LOXL2: variants seen among roughly 807,000 people sequenced by gnomAD.
The protein encoded by LOXL2 is lysyl oxidase homolog 2.
Under a neutral mutation model 93.0 loss-of-function variants are expected in LOXL2, and 70 were observed. That is an observed-to-expected ratio of 0.75 (90% confidence interval 0.62 to 0.92). The LOEUF (loss-of-function observed/expected upper bound fraction) is 0.92, where lower values mean the gene tolerates loss of function less well. LOXL2 is among the 40% of genes least tolerant of loss of function. The pLI is 0.00. For missense variants in LOXL2, 973 were observed against 1,054.9 expected (o/e 0.92, Z 1.08); for synonymous variants, 438 against 413.2 (o/e 1.06, Z -0.73).
intron 2 of LOXL2, 24 bp from the exon 3 acceptor site, chr8:23,360,289 A>C: frequency 6.4e-7 from 1 of 1,569,926 alleles, no homozygotes; most frequent in South Asian, 1.1e-5. Context: ...AGAGGAGAGA[A>C]ACCAAGTGCT....
chr8:23,326,603 A>C (rs1803580662), intron 6 of LOXL2, among the ~76,000 whole-genome samples: 1 of 152,106 alleles, frequency 6.6e-6, no homozygotes. Flanking sequence ...AAAATACAAA[A>C]ATTAGCTGGG....
At chr8:23,349,809 C>A (rs1334379841) in intron 3 of LOXL2, among the ~76,000 whole-genome samples, 2 of 151,788 alleles carry the variant, frequency 1.3e-5, no homozygotes, top group Admixed American at 1.3e-4. Flanking sequence ...CCACTATAGC[C>A]AGACACAGAG....
chr8:23,360,389 T>C lies in LOXL2; in HGVS notation c.356-124A>G, dbSNP rs914443110. 1.9e-5 allele frequency: 12 copies of C among 640,862 alleles called. No individual in the cohort carries two copies. The East Asian group carries it at 2.5e-4, about 13-fold the overall frequency. The allele number at this position is 640,862 out of a possible 1,614,324, so 39.7% of individuals were successfully genotyped here. On this transcript the variant is annotated intron_variant, in intron 2 of 13. Transcript: ENST00000389131. ...TAATTTTGGCAGCTGTGTGTGGCCA[T>C]CCATTTTTATTATATTAAGATATTG... is the stretch of plus-strand genomic sequence containing the variant.
At chr8:23,358,196 A>G (rs1207107012) in intron 3 of LOXL2, among the ~76,000 whole-genome samples, 1 of 152,216 alleles carries the variant, frequency 6.6e-6, no homozygotes, top group Non-Finnish European at 1.5e-5. Context: ...AAGACTGACG[A>G]AAGTATATCA....
intron 6 of LOXL2, among the ~76,000 whole-genome samples, chr8:23,324,896 C>A (rs1456225609): frequency 6.6e-6 from 1 of 152,170 alleles, no homozygotes; most frequent in Non-Finnish European, 1.5e-5. Context: ...GTTTAGAAAA[C>A]CTTTGCTGGA....
intron 2 of LOXL2, among the ~76,000 whole-genome samples, chr8:23,362,636 A>T (rs1232161151): frequency 6.6e-6 from 1 of 152,200 alleles, no homozygotes; most frequent in Non-Finnish European, 1.5e-5. Flanking sequence ...CAGGAGGCCA[A>T]GGTGGGAGAA....
intron 3 of LOXL2, chr8:23,341,476 G>A: frequency 1.9e-6 from 1 of 514,112 alleles, no homozygotes; most frequent in South Asian, 2.1e-5. Context: ...AGACCCCATG[G>A]GCTTCTCCTA....
At chr8:23,343,106 A>G (rs142285747) in intron 3 of LOXL2, among the ~76,000 whole-genome samples, 27 of 152,314 alleles carry the variant, frequency 1.8e-4, no homozygotes, top group African/African-American at 6.5e-4. Context: ...TTGTCTATGT[A>G]ATACCCTAAT....
chr8:23,365,735 T>G (rs1415140093), intron 2 of LOXL2: 2 of 152,226 alleles, frequency 1.3e-5, no homozygotes, highest in Non-Finnish European at 2.9e-5. Flanking sequence ...CACCCACCCT[T>G]CAATCTCCAT....
At chr8:23,323,691 C>T (rs1173245070) in intron 6 of LOXL2, among the ~76,000 whole-genome samples, 4 of 135,408 alleles carry the variant, frequency 3.0e-5, no homozygotes, top group African/African-American at 5.7e-5. Flanking sequence ...TTTGCCAGAT[C>T]GGGATTTTTT....
intron 9 of LOXL2, among the ~76,000 whole-genome samples, chr8:23,313,241 A>T (rs1342162513): frequency 6.6e-6 from 1 of 152,168 alleles, no homozygotes; most frequent in Non-Finnish European, 1.5e-5. Context: ...TTACAGATTC[A>T]ATGCCATCCC....
intron 4 of LOXL2, among the ~76,000 whole-genome samples, chr8:23,339,799 T>C (rs928633292): frequency 2.0e-5 from 3 of 152,192 alleles, no homozygotes; most frequent in Non-Finnish European, 2.9e-5. Flanking sequence ...ATCACCATCA[T>C]GGCCAGCCTG....
chr8:23,332,467 A>AC (rs373708250), intron 5 of LOXL2, among the ~76,000 whole-genome samples: 2 of 65,846 alleles, frequency 3.0e-5, no homozygotes, highest in East Asian at 7.2e-4. Context: ...CCACACACAT[A>AC]CCCCCCACAC....
chr8:23,403,367 G>A (rs1256398031), intron 1 of LOXL2, among the ~76,000 whole-genome samples: 1 of 152,118 alleles, frequency 6.6e-6, no homozygotes, highest in African/African-American at 2.4e-5. Context: ...CAGGACTCAC[G>A]GCGCTCCCGC....
chr8:23,401,761 T>C (rs1800154454), intron 1 of LOXL2, among the ~76,000 whole-genome samples: 2 of 152,140 alleles, frequency 1.3e-5, no homozygotes, highest in Admixed American at 1.3e-4. Context: ...CATCTAGAGG[T>C]CAAAGGACAA....
At chr8:23,362,723 C>T (rs993917125) in intron 2 of LOXL2, among the ~76,000 whole-genome samples, 4 of 151,978 alleles carry the variant, frequency 2.6e-5, no homozygotes, top group Non-Finnish European at 5.9e-5. Context: ...GACAGGGAGA[C>T]CCTGTCTCCA....
Position 23,380,945 on chromosome 8 carries a change from G to A in LOXL2, c.-83-12511C>T, listed in dbSNP as rs113546901. 2.5e-3 allele frequency among the ~76,000 whole-genome samples: 384 copies of A among 152,228 alleles called. 1 individual carries two copies. Among genetic ancestry groups the A allele is most frequent in the African/African-American group, 9.0e-3 (374 of 41,528 alleles). ...AAATAATTGCTTGAACCTGGGAGGC[G>A]GAGGTTGCAGTGAGCCGAGATTGTG... is the stretch of plus-strand genomic sequence containing the variant. On this transcript the variant is annotated intron_variant, in intron 1 of 13. Transcript: ENST00000389131.
chr8:23,327,997 G>A (rs1045676172), intron 6 of LOXL2, among the ~76,000 whole-genome samples: 3 of 152,242 alleles, frequency 2.0e-5, no homozygotes, highest in Middle Eastern at 3.4e-3. Flanking sequence ...GTACAGAGTG[G>A]TTCAGTCTGG....
intron 11 of LOXL2, among the ~76,000 whole-genome samples, 197 bp downstream of exon 11, chr8:23,303,085 C>T (rs900627076): frequency 1.3e-5 from 2 of 152,012 alleles, no homozygotes; most frequent in African/African-American, 4.8e-5. Flanking sequence ...TCTGGGGAAT[C>T]CGGGTGCCCT....
Sources: gnomAD v4.1 joint callset for allele counts (sites outside exome capture counted in the v4.1 genomes callset) on GRCh38, gnomAD v4.1.1 for gene constraint, MANE v1.5 for transcripts, NCBI Gene and HGNC (gene_info 2026-07-23, HGNC 2026-07-21) for gene names.